PABPC1L: variants seen among roughly 807,000 people sequenced by gnomAD.
PABPC1L encodes polyadenylate-binding protein 1-like.
Under a neutral mutation model 66.6 loss-of-function variants are expected in PABPC1L, and 31 were observed. The ratio of observed to expected loss-of-function variants is 0.47; its 90% CI spans 0.35 to 0.63. The LOEUF (loss-of-function observed/expected upper bound fraction) is 0.63. PABPC1L is among the 20% of genes least tolerant of loss of function. PABPC1L has a pLI of 0.00. For missense variants in PABPC1L, 722 were observed against 848.8 expected, an observed-to-expected ratio of 0.85 and a Z score of 1.86; for synonymous variants, 348 against 335.1, an observed-to-expected ratio of 1.04 and a Z score of -0.42.
chr20:44,927,510 G>A (rs1369900767), intron 7 of PABPC1L, among the ~76,000 whole-genome samples: 3 of 151,890 alleles, frequency 2.0e-5, no homozygotes, highest in African/African-American at 4.8e-5. Flanking sequence ...ACCATGCCCA[G>A]CTAATTTTTT....
chr20:44,919,307 A>G (rs2066757845), intron 5 of PABPC1L, 30 bp downstream of exon 5: 4 of 1,610,148 alleles, frequency 2.5e-6, no homozygotes, highest in Non-Finnish European at 3.4e-6. Flanking sequence ...TCTGTTCTGC[A>G]GCAGGGGGAC....
chr20:44,914,231 G>C (rs2066723977), intron 2 of PABPC1L, among the ~76,000 whole-genome samples: 1 of 129,268 alleles, frequency 7.7e-6, no homozygotes, highest in Non-Finnish European at 1.6e-5. Context: ...TTTTGAGACG[G>C]AGTCTCACTC....
At chr20:44,913,131 A>G (rs142825501) in intron 2 of PABPC1L, among the ~76,000 whole-genome samples, 2 of 152,312 alleles carry the variant, frequency 1.3e-5, no homozygotes, top group African/African-American at 4.8e-5. Context: ...ACAGTTGGCA[A>G]TGGGCAAAGT....
intron 6 of PABPC1L, among the ~76,000 whole-genome samples, 187 bp downstream of exon 6, chr20:44,921,918 C>T (rs565015436): frequency 1.3e-5 from 2 of 152,356 alleles, no homozygotes; most frequent in Non-Finnish European, 2.9e-5. Context: ...CACAACCCAA[C>T]TGTCCAACCA....
Position 44,918,919 on chromosome 20 carries a change from T to C in PABPC1L, c.517T>C (p.Phe173Leu), listed in dbSNP as rs1010038386. ...TCATGTCCACAGCTTTGTGGGTCACTTCAAGTCTCGACGGGAGCGGGAGGC... is the reference window on the plus strand; with the variant it reads ...TCATGTCCACAGCTTTGTGGGTCACCTCAAGTCTCGACGGGAGCGGGAGGC... ...LNDRKVFVGH[F>L]KSRREREAEL... The change falls in exon 4 of 15, where the codon TTC becomes CTC. Residue 173 changes from phenylalanine (F) to leucine (L), a missense_variant. Coordinates refer to ENST00000217073, the MANE Select transcript of PABPC1L (RefSeq NM_001372179.1). 7 of 1,594,892 alleles carry C rather than the reference T, an allele frequency of 4.4e-6. No individual in the cohort carries two copies. The highest frequency in any genetic ancestry group is 6.0e-6 in the Non-Finnish European group (7 of 1,170,804).
At position 44,918,930 on chromosome 20, in the gene PABPC1L, A is replaced by T; in HGVS notation, c.528A>T (p.Arg176=). Residue 176 remains arginine, a synonymous_variant, in exon 4 of 15, where the codon CGA becomes CGT. Transcript: ENST00000217073. Reference sequence around the variant, plus strand: ...GCTTTGTGGGTCACTTCAAGTCTCGACGGGAGCGGGAGGCGGAGCTGGGGG... The same window carrying T: ...GCTTTGTGGGTCACTTCAAGTCTCGTCGGGAGCGGGAGGCGGAGCTGGGGG... The part of the protein sequence containing the change: ...RKVFVGHFKS[R]REREAELGAR... 6.2e-7 allele frequency: 1 copy of T among 1,603,822 alleles called. No individual in the cohort carries two copies. Among genetic ancestry groups the T allele is most frequent in the Non-Finnish European group, 8.5e-7 (1 of 1,175,076 alleles).
rs1359716071 is a variant in PABPC1L, at chr20:44,921,815, A to G, written c.876+84A>G. ...GCCCTGAGTGGTGACTGTTTCTTCT[A>G]GTGATCCTACTTCTGGGCACTTGGC... is the stretch of plus-strand genomic sequence containing the variant. On this transcript the variant is annotated intron_variant, in intron 6 of 14. Transcript: ENST00000217073. 1.6e-5 allele frequency: 25 copies of G among 1,582,524 alleles called. No individual in the cohort carries two copies. In the East Asian group the frequency reaches 5.2e-4, roughly 33 times the overall value.
chr20:44,913,739 A>G (rs1321113756), intron 2 of PABPC1L, among the ~76,000 whole-genome samples: 1 of 152,072 alleles, frequency 6.6e-6, no homozygotes, highest in Non-Finnish European at 1.5e-5. Flanking sequence ...AAGTCACAAG[A>G]CCAGCCCACA....
At chr20:44,917,969 TA>T (rs1214080500) in intron 3 of PABPC1L, among the ~76,000 whole-genome samples, 2 of 152,340 alleles carry the variant, frequency 1.3e-5, no homozygotes, top group South Asian at 2.1e-4. Context: ...AATTTATTAT[TA>T]TTTTTTTAAT....
At chr20:44,936,394 C>T (rs2273358) in intron 11 of PABPC1L, among the ~76,000 whole-genome samples, 14,843 of 152,166 alleles carry the variant, frequency 0.098, 786 homozygotes, top group East Asian at 0.14. Flanking sequence ...CCTTTATCAA[C>T]GTTCATCAGG....
At chr20:44,935,084 A>AG (rs56257957) in intron 10 of PABPC1L, among the ~76,000 whole-genome samples, 2 of 151,470 alleles carry the variant, frequency 1.3e-5, no homozygotes, top group Admixed American at 1.3e-4. Context: ...AAAAAAAAAA[A>AG]GAAAGAAAAT....
Position 44,930,487 on chromosome 20 carries a change from G to A in PABPC1L, c.1000G>A (p.Gly334Arg). ...KVMTEGGHSKGFGFVCFSSPE... is the reference protein window; with the variant it reads ...KVMTEGGHSKRFGFVCFSSPE... ...GATGACAGAGGGTGGCCACAGCAAG[G>A]GGTTTGGCTTTGTGTGTTTTTCCTC... is the stretch of plus-strand genomic sequence containing the variant. The change falls in exon 8 of 15, where the codon GGG (glycine) becomes AGG (arginine). Residue 334 changes from glycine to arginine, a missense_variant. Gly to Arg is a moderately radical substitution (Grantham distance 125). This residue lies in a region of PABPC1L where 137 missense variants were observed against 216.8 expected (regional missense o/e 0.63). Transcript: ENST00000217073. The A allele has an allele frequency of 6.2e-7, 1 of 1,614,208 alleles. No individual in the cohort carries two copies. The highest frequency in any genetic ancestry group is 8.5e-7 in the Non-Finnish European group (1 of 1,180,022).
At chr20:44,923,439 A>G (rs1026556514) in intron 6 of PABPC1L, among the ~76,000 whole-genome samples, 1 of 152,004 alleles carries the variant, frequency 6.6e-6, no homozygotes, top group Non-Finnish European at 1.5e-5. Context: ...CCTGACCAAC[A>G]TGGAGAAAGG....
At chr20:44,923,557 A>C (rs879688404) in intron 6 of PABPC1L, among the ~76,000 whole-genome samples, 4 of 152,016 alleles carry the variant, frequency 2.6e-5, no homozygotes, top group Admixed American at 2.6e-4. Context: ...TGAACCCGCG[A>C]GGCAGAGGTT....
At chr20:44,934,212 G>A (rs776172396) in intron 10 of PABPC1L, among the ~76,000 whole-genome samples, 5 of 152,176 alleles carry the variant, frequency 3.3e-5, no homozygotes, top group Non-Finnish European at 5.9e-5. Flanking sequence ...ACAGTGTGCT[G>A]GGGCCCCAAG....
intron 10 of PABPC1L, 27 bp downstream of exon 10, chr20:44,933,212 TG>T: frequency 6.4e-7 from 1 of 1,565,320 alleles, no homozygotes; most frequent in Non-Finnish European, 8.7e-7. Flanking sequence ...CCAAGGGGAA[TG>T]GGGGTGGGGC....
In PABPC1L at chr20:44,912,693, T is replaced by C. The variant is rs2066713262; in HGVS notation, c.227T>C (p.Met76Thr). The C allele has an allele frequency of 6.2e-7, 1 of 1,613,888 alleles. No individual in the cohort carries two copies. The highest frequency in any genetic ancestry group is 1.1e-5 in the South Asian group (1 of 91,074). The change falls in exon 2 of 15, where the codon ATG becomes ACG. Residue 76 changes from methionine to threonine, a missense_variant. By Grantham distance (81) the Met-to-Thr change is moderately conservative. This residue lies in a region of PABPC1L where 284 missense variants were observed against 294.8 expected (regional missense o/e 0.96). Transcript: ENST00000217073. ...GCACTGGACACAATGAACTTTGAGA[T>C]GCTCAAAGGCCAGCCTATTCGCATC... ...ERALDTMNFEMLKGQPIRIMW... is the reference protein window; with the variant it reads ...ERALDTMNFETLKGQPIRIMW...
chr20:44,913,691 G>T (rs1403628129), intron 2 of PABPC1L, among the ~76,000 whole-genome samples: 2 of 152,014 alleles, frequency 1.3e-5, no homozygotes, highest in African/African-American at 4.8e-5. Flanking sequence ...ATGAGCCACC[G>T]CACCTGGCCT....
At chr20:44,932,732 T>C (rs892221848) in intron 9 of PABPC1L, 4 of 504,956 alleles carry the variant, frequency 7.9e-6, no homozygotes, top group Non-Finnish European at 1.4e-5. Context: ...CCTCTGGCTA[T>C]ATTGTTGACC....
Sources: gnomAD v4.1 joint callset for allele counts (sites outside exome capture counted in the v4.1 genomes callset) on GRCh38, gnomAD v4.1.1 for gene constraint, gnomAD v4.1.1 regional missense constraint, MANE v1.5 for transcripts, NCBI Gene and HGNC (gene_info 2026-07-23, HGNC 2026-07-21) for gene names.